Variants in CCSER1 observed in about 807,000 individuals in gnomAD.
CCSER1 encodes coiled-coil serine rich protein 1.
A neutral mutation model predicts 82.0 loss-of-function variants in CCSER1; 41 were observed. The ratio of observed to expected loss-of-function variants is 0.50; its 90% CI spans 0.39 to 0.65. CCSER1 has a LOEUF of 0.65. Among genes scored for constraint, CCSER1 ranks in the 30% least tolerant of loss-of-function variants. The pLI, the probability that CCSER1 is intolerant of heterozygous loss-of-function variation, is 0.00. For synonymous variants in CCSER1, 414 were observed against 383.9 expected (o/e 1.08, Z -0.92); for missense variants, 1,119 against 1,064.2 (o/e 1.05, Z -0.72).
chr4:91,438,395 A>G (rs377274235), intron 10 of CCSER1, among the ~76,000 whole-genome samples: 412 of 152,258 alleles, frequency 2.7e-3, no homozygotes, highest in Non-Finnish European at 4.9e-3. Flanking sequence ...ACCTCTAGCA[A>G]ACTCCAACAG....
intron 1 of CCSER1, among the ~76,000 whole-genome samples, chr4:90,202,458 CT>C (rs1490141791): frequency 2.0e-5 from 3 of 152,126 alleles, no homozygotes; most frequent in African/African-American, 7.2e-5. Context: ...CTGCCTTGGC[CT>C]CCCAGAGTGC....
Position 90,866,904 on chromosome 4 carries a change from A to G in CCSER1, c.2094+51059A>G, listed in dbSNP as rs185609144. Among the ~76,000 whole-genome samples the G allele has an allele frequency of 1.2e-3, 180 of 152,074 alleles. 1 individual carries two copies. The highest frequency in any genetic ancestry group is 4.0e-3 in the African/African-American group (168 of 41,526). ...TCACAGTAGGATTCACACCCCCATG[A>G]GACTCTAATGCCACCACTGATTTGA... On this transcript the variant is annotated intron_variant, in intron 8 of 10. Transcript: ENST00000509176.
At chr4:90,348,736 T>C (rs889389292) in intron 3 of CCSER1, among the ~76,000 whole-genome samples, 3 of 152,306 alleles carry the variant, frequency 2.0e-5, no homozygotes, top group African/African-American at 7.2e-5. Flanking sequence ...ACGTAGTGAA[T>C]TTAGGGTTTA....
intron 9 of CCSER1, among the ~76,000 whole-genome samples, chr4:91,067,389 A>G (rs1269856118): frequency 6.6e-6 from 1 of 151,252 alleles, no homozygotes; most frequent in African/African-American, 2.4e-5. Flanking sequence ...TTGTTGCCCA[A>G]GCTGAAGTGC....
At chr4:90,835,864 T>C (rs1451798930) in intron 8 of CCSER1, among the ~76,000 whole-genome samples, 1 of 152,232 alleles carries the variant, frequency 6.6e-6, no homozygotes, top group Non-Finnish European at 1.5e-5. Context: ...GTGAAATGTT[T>C]GCCTTATGGA....
chr4:91,460,945 G>T (rs751854550), intron 10 of CCSER1, among the ~76,000 whole-genome samples: 24 of 152,056 alleles, frequency 1.6e-4, no homozygotes, highest in Middle Eastern at 3.4e-3. Flanking sequence ...CCCCTCAAAG[G>T]ATAAAAAAAA....
chr4:90,394,243 A>AT (rs1751645102), intron 3 of CCSER1, among the ~76,000 whole-genome samples: 1 of 151,870 alleles, frequency 6.6e-6, no homozygotes. Flanking sequence ...AGGCATTGCT[A>AT]TTTTTTTACT....
At chr4:91,160,050 C>T (rs563320380) in intron 10 of CCSER1, among the ~76,000 whole-genome samples, 1 of 149,060 alleles carries the variant, frequency 6.7e-6, no homozygotes, top group East Asian at 1.9e-4. Context: ...CTCCCCCTGC[C>T]CCCACCCCAT....
chr4:90,527,843 A>T (rs576366861), intron 5 of CCSER1, among the ~76,000 whole-genome samples: 10 of 152,258 alleles, frequency 6.6e-5, no homozygotes, highest in African/African-American at 2.4e-4. Flanking sequence ...TTAAGTAGAA[A>T]TGAAGAAAAT....
At chr4:90,256,665 G>C (rs28404560) in intron 1 of CCSER1, among the ~76,000 whole-genome samples, 1 of 152,186 alleles carries the variant, frequency 6.6e-6, no homozygotes, top group East Asian at 1.9e-4. Context: ...ATATAAGTTT[G>C]CATAGTTCAC....
chr4:91,122,074 T>G (rs1374332382), intron 10 of CCSER1, among the ~76,000 whole-genome samples: 1 of 151,754 alleles, frequency 6.6e-6, no homozygotes, highest in Non-Finnish European at 1.5e-5. Flanking sequence ...TGGTGACATT[T>G]TTGAAATATC....
chr4:91,592,037 G>T (rs1764293348), intron 10 of CCSER1, among the ~76,000 whole-genome samples: 1 of 152,094 alleles, frequency 6.6e-6, no homozygotes, highest in Non-Finnish European at 1.5e-5. Flanking sequence ...TAAATGCCAG[G>T]TACTGGTAGG....
At chr4:91,337,914 G>A (rs1226914191) in intron 10 of CCSER1, among the ~76,000 whole-genome samples, 3 of 152,084 alleles carry the variant, frequency 2.0e-5, no homozygotes, top group Non-Finnish European at 4.4e-5. Context: ...ATTACATAAG[G>A]AGAGAGGTAT....
At chr4:90,223,486 A>G (rs1372505368) in intron 1 of CCSER1, among the ~76,000 whole-genome samples, 1 of 152,192 alleles carries the variant, frequency 6.6e-6, no homozygotes, top group Non-Finnish European at 1.5e-5. Context: ...GGGTCAGAGA[A>G]ATATTGATTG....
chr4:91,124,516 C>G (rs777984101), intron 10 of CCSER1, among the ~76,000 whole-genome samples: 2 of 151,808 alleles, frequency 1.3e-5, no homozygotes, highest in Non-Finnish European at 2.9e-5. Flanking sequence ...TTCCCCATCT[C>G]CCTCATCCCA....
intron 10 of CCSER1, among the ~76,000 whole-genome samples, chr4:91,439,876 A>C (rs1367489544): frequency 2.0e-5 from 3 of 152,232 alleles, no homozygotes; most frequent in African/African-American, 7.2e-5. Flanking sequence ...GAAGGCCATT[A>C]CATAATGGTA....
At chr4:91,552,819 A>G (rs1198720266) in intron 10 of CCSER1, among the ~76,000 whole-genome samples, 2 of 146,012 alleles carry the variant, frequency 1.4e-5, no homozygotes, top group Admixed American at 6.7e-5. Context: ...TCTATCATCT[A>G]AAAAAAGATA....
chr4:90,911,434 T>C (rs1454320652), intron 8 of CCSER1: 1 of 412,096 alleles, frequency 2.4e-6, no homozygotes, highest in African/African-American at 2.1e-5. Context: ...TTGGCATCAT[T>C]AAGCAATCCC....
At chr4:91,566,811 C>T (rs1762905377) in intron 10 of CCSER1, among the ~76,000 whole-genome samples, 1 of 151,954 alleles carries the variant, frequency 6.6e-6, no homozygotes, top group Non-Finnish European at 1.5e-5. Flanking sequence ...AGTAACCTAT[C>T]TATTTTATTA....
Sources: allele counts gnomAD v4.1 joint callset (sites outside exome capture counted in the v4.1 genomes callset), GRCh38; gene constraint gnomAD v4.1.1; transcripts MANE v1.5; gene names NCBI Gene and HGNC (gene_info 2026-07-23, HGNC 2026-07-21).